The following CXXC4 variants were observed in gnomAD, a reference collection of about 807,000 sequenced individuals.
The protein encoded by CXXC4 is CXXC-type zinc finger protein 4.
A neutral mutation model predicts 20.5 loss-of-function variants in CXXC4; 5 were observed. The observed-to-expected ratio is 0.24, with a 90% CI of 0.13 to 0.51. The LOEUF (loss-of-function observed/expected upper bound fraction) is 0.51. Among genes scored for constraint, CXXC4 ranks in the 20% least tolerant of loss-of-function variants. The pLI, the probability that CXXC4 is intolerant of heterozygous loss-of-function variation, is 0.97. For missense variants in CXXC4, 419 were observed against 496.4 expected, an observed-to-expected ratio of 0.84 and a Z score of 1.48; for synonymous variants, 250 against 216.4, an observed-to-expected ratio of 1.16 and a Z score of -1.36.
At chr4:104,481,618 G>A (rs1736559437) in intron 2 of CXXC4, among the ~76,000 whole-genome samples, 1 of 152,020 alleles carries the variant, frequency 6.6e-6, no homozygotes, top group African/African-American at 2.4e-5. Flanking sequence ...CATGCATATT[G>A]TAAAAAGAGC....
At chr4:104,484,248 AC>A (rs1736628360) in intron 2 of CXXC4, among the ~76,000 whole-genome samples, 1 of 152,050 alleles carries the variant, frequency 6.6e-6, no homozygotes, top group South Asian at 2.1e-4. Flanking sequence ...GGTTGATATT[AC>A]TTTCATCTTA....
chr4:104,483,128 T>C (rs563117743), intron 2 of CXXC4, among the ~76,000 whole-genome samples: 1 of 152,146 alleles, frequency 6.6e-6, no homozygotes, highest in African/African-American at 2.4e-5. Context: ...ACATCAGCTA[T>C]AACACAATCT....
At chr4:104,490,283 G>T (rs908479014) in intron 2 of CXXC4, among the ~76,000 whole-genome samples, 10 of 152,166 alleles carry the variant, frequency 6.6e-5, no homozygotes, top group Non-Finnish European at 1.3e-4. Flanking sequence ...TTTGTTACCG[G>T]TTTTTTAATG....
intron 2 of CXXC4, among the ~76,000 whole-genome samples, chr4:104,474,304 T>C (rs1195789754): frequency 6.6e-6 from 1 of 152,032 alleles, no homozygotes; most frequent in Admixed American, 6.6e-5. Context: ...TTTGATTTAA[T>C]TGGTGAGAAA....
At chr4:104,483,221 T>C (rs1411889884) in intron 2 of CXXC4, among the ~76,000 whole-genome samples, 1 of 151,926 alleles carries the variant, frequency 6.6e-6, no homozygotes, top group Admixed American at 6.6e-5. Flanking sequence ...AGTCTAGTCA[T>C]TAAAAAAAAA....
chr4:104,477,297 T>G (rs1223909927), intron 2 of CXXC4, among the ~76,000 whole-genome samples: 1 of 152,156 alleles, frequency 6.6e-6, no homozygotes, highest in Non-Finnish European at 1.5e-5. Context: ...AACTACCTTT[T>G]TTTTCTGATT....
intron 2 of CXXC4, among the ~76,000 whole-genome samples, chr4:104,485,723 A>C (rs1160896067): frequency 6.6e-6 from 1 of 152,114 alleles, no homozygotes; most frequent in African/African-American, 2.4e-5. Flanking sequence ...GAACCTGTTA[A>C]ACAATGTTCC....
At position 104,471,085 on chromosome 4, in the gene CXXC4, G is replaced by A. The variant is rs1249381534; in HGVS notation, c.*1237C>T. 1 of 152,010 alleles carries A rather than the reference G, an allele frequency of 6.6e-6. No individual in the cohort carries two copies. Among genetic ancestry groups the A allele is most frequent in the African/African-American group, 2.4e-5 (1 of 41,400 alleles). The allele number at this position is 152,010 out of a possible 1,614,324, so 9.4% of individuals were successfully genotyped here. A position where few individuals can be genotyped will look rare whatever the true frequency, so the allele number is the denominator to read the frequency against. ...AATGGAGCATTTTACTGAAGGACCA[G>A]GGGAAGACCACTAGTCCAACTGGGT... On this transcript the variant is annotated 3_prime_UTR_variant, in exon 3 of 3. Coordinates refer to ENST00000394767, the MANE Select transcript of CXXC4 (RefSeq NM_025212.4).
Position 104,491,304 on chromosome 4 carries a change from TGCTGCCGCCGCCGCCGCC to T in CXXC4, c.481_498del (p.Gly161_Ser166del), listed in dbSNP as rs1736849743. 6.3e-7 allele frequency: 1 copy of T among 1,580,850 alleles called. No individual in the cohort carries two copies. Among genetic ancestry groups the T allele is most frequent in the East Asian group, 2.4e-5 (1 of 42,328 alleles). ...TCGTTTCGGTGGTGCATGCTGGTCC[TGCTGCCGCCGCCGCCGCC>T]GCCGCCGCCACCGCCGGCGGGGAGG... On this transcript the variant is annotated inframe_deletion, in exon 2 of 3. Coordinates refer to ENST00000394767, the MANE Select transcript of CXXC4 (RefSeq NM_025212.4).
At chr4:104,492,287 A>G (rs1736913695) in intron 1 of CXXC4, among the ~76,000 whole-genome samples, 1 of 140,324 alleles carries the variant, frequency 7.1e-6, no homozygotes, top group Admixed American at 7.6e-5. Context: ...CCCTATTCTT[A>G]TAACCCTCCT....
chr4:104,473,239 G>C (rs1736322287), intron 2 of CXXC4, among the ~76,000 whole-genome samples: 1 of 151,634 alleles, frequency 6.6e-6, no homozygotes. Flanking sequence ...ATATATCACT[G>C]TTTCAAAGTG....
chr4:104,485,850 A>G (rs1736676269), intron 2 of CXXC4, among the ~76,000 whole-genome samples: 1 of 152,116 alleles, frequency 6.6e-6, no homozygotes, highest in African/African-American at 2.4e-5. Context: ...CTGACTATGC[A>G]AAACTTAACT....
chr4:104,488,874 G>A (rs966733027), intron 2 of CXXC4, among the ~76,000 whole-genome samples: 2 of 152,062 alleles, frequency 1.3e-5, no homozygotes, highest in African/African-American at 2.4e-5. Context: ...ATCTTAAATT[G>A]GGATGCAAGT....
chr4:104,470,826 CAG>C lies in CXXC4; in HGVS notation c.*1494_*1495del, dbSNP rs1181412867. On this transcript the variant is annotated 3_prime_UTR_variant, in exon 3 of 3. Coordinates refer to ENST00000394767, the MANE Select transcript of CXXC4 (RefSeq NM_025212.4). Reference sequence around the variant, plus strand: ...AAATAGTCTTTATAATTGGGACAAACAGAAATAAAATGGAAGGTAAATATTTG... The same window carrying C: ...AAATAGTCTTTATAATTGGGACAAACAAATAAAATGGAAGGTAAATATTTG... The C allele has an allele frequency of 3.9e-5, 6 of 151,954 alleles. No homozygotes were observed. Among genetic ancestry groups the C allele is most frequent in the African/African-American group, 1.4e-4 (6 of 41,406 alleles). 9.4% of individuals were successfully genotyped at this position (151,954 alleles called of 1,614,324 possible).
rs1474332509 is a variant in CXXC4, at chr4:104,469,320, T to G, written c.*3002A>C. The stretch of plus-strand genomic sequence containing the variant: ...TCAACGCCTCAAGTATTTACCATGA[T>G]CTCCCCAAATGCTGGCAGATTATGG... On this transcript the variant is annotated 3_prime_UTR_variant, in exon 3 of 3. Coordinates refer to ENST00000394767, the MANE Select transcript of CXXC4 (RefSeq NM_025212.4). 1 of 151,966 alleles carries G rather than the reference T, an allele frequency of 6.6e-6. No homozygotes were observed. The highest frequency in any genetic ancestry group is 1.5e-5 in the Non-Finnish European group (1 of 67,978). 9.4% of individuals were successfully genotyped at this position (151,966 alleles called of 1,614,324 possible).
intron 2 of CXXC4, among the ~76,000 whole-genome samples, chr4:104,480,540 A>G (rs1053225865): frequency 5.3e-5 from 8 of 152,130 alleles, no homozygotes; most frequent in African/African-American, 1.9e-4. Flanking sequence ...AGACTTAAGA[A>G]TTACTTTTAA....
chr4:104,470,247 G>T lies in CXXC4; in HGVS notation c.*2075C>A, dbSNP rs1267389747. The T allele has an allele frequency of 3.4e-5, 5 of 148,988 alleles. No individual in the cohort carries two copies. The highest frequency in any genetic ancestry group is 1.2e-4 in the African/African-American group (5 of 40,636). 9.2% of individuals were successfully genotyped at this position (148,988 alleles called of 1,614,324 possible). ...TTCTAACTAGATAGAAACCCTCAAA[G>T]AAATATACATCAAGTAGAAAGCTAT... On this transcript the variant is annotated 3_prime_UTR_variant, in exon 3 of 3. Transcript: ENST00000394767.
At position 104,472,346 on chromosome 4, in the gene CXXC4, A is replaced by G. The variant is rs369441679; in HGVS notation, c.1080T>C (p.Ala360=). Residue 360 remains alanine (A), a synonymous_variant, in exon 3 of 3, where the codon GCT becomes GCC. Transcript: ENST00000394767. ...TSLERTPVPS[A]EAFRWFF is the part of the protein sequence containing the mutation. ...TTTAAAAGAACCATCGGAATGCTTCAGCGCTGGGAACAGGTGTTCTCTATA... is the reference window on the plus strand; with the variant it reads ...TTTAAAAGAACCATCGGAATGCTTCGGCGCTGGGAACAGGTGTTCTCTATA... 1.9e-6 allele frequency: 3 copies of G among 1,605,736 alleles called. No individual in the cohort carries two copies. The highest frequency in any genetic ancestry group is 1.3e-5 in the African/African-American group (1 of 74,448).
Position 104,491,767 on chromosome 4 carries a change from G to T in CXXC4, c.36C>A (p.Ser12Arg). Residue 12 changes from serine (S) to arginine (R), a missense_variant, in exon 2 of 3, where the codon AGC becomes AGA. This residue lies in a region of CXXC4 where 388 missense variants were observed against 416.0 expected (regional missense o/e 0.93). Coordinates refer to ENST00000394767, the MANE Select transcript of CXXC4 (RefSeq NM_025212.4). ...CCTTGGGCAAGCCCGGGGCCTCCGG[G>T]CTCGGCCCGGGCTCCACGCAGACAT... ...NTNVCVEPGP[S>R]PEAPGLPKES... 1 of 1,530,742 alleles carries T rather than the reference G, an allele frequency of 6.5e-7. No individual in the cohort carries two copies. The allele number at this position is 1,530,742 out of a possible 1,614,324, so 94.8% of individuals were successfully genotyped here.
Sources: allele counts gnomAD v4.1 joint callset (sites outside exome capture counted in the v4.1 genomes callset), GRCh38; gene constraint gnomAD v4.1.1; regional missense constraint gnomAD v4.1.1; transcripts MANE v1.5; gene names NCBI Gene and HGNC (gene_info 2026-07-23, HGNC 2026-07-21).